The following PLAGL1 variants were observed in gnomAD, a reference collection of about 807,000 sequenced individuals.
The protein encoded by PLAGL1 is PLAG1 like zinc finger 1.
PLAGL1 carries 1 observed loss-of-function variant against 4.6 expected under a neutral mutation model. The observed-to-expected ratio is 0.22, with a 90% CI of 0.08 to 1.03. The LOEUF is 1.03. Ranked by LOEUF, PLAGL1 falls within the 50% of genes least tolerant of loss-of-function variation. The pLI is 0.58. For missense variants in PLAGL1, 464 were observed against 570.4 expected, an observed-to-expected ratio of 0.81 and a Z score of 1.90; for synonymous variants, 240 against 237.8, an observed-to-expected ratio of 1.01 and a Z score of -0.08.
chr6:143,977,224 A>G (rs1158510416), intron 2 of PLAGL1, among the ~76,000 whole-genome samples: 2 of 152,028 alleles, frequency 1.3e-5, no homozygotes, highest in Non-Finnish European at 2.9e-5. Flanking sequence ...GGTGTTGTAC[A>G]TTCTATGGGT....
At position 143,942,454 on chromosome 6, in the gene PLAGL1, G is replaced by A. The variant is rs201937527; in HGVS notation, c.362C>T (p.Thr121Ile). The change falls in exon 8 of 8, where the codon ACC (threonine) becomes ATC (isoleucine). Residue 121 changes from threonine (T) to isoleucine (I), a missense_variant. Transcript: ENST00000674357. This position sits in a 1 kb window ranked among gnomAD's most constrained non-coding sequence, Gnocchi z 7.6. ...TAGCTCCAGGGCACAGACCCCACAG[G>A]TGAGGTCCCCACTGCTGGCCGCATG... Reference protein sequence around the residue: ...ALHAASSGDLTCGVCALELGS... With the variant: ...ALHAASSGDLICGVCALELGS... The A allele has an allele frequency of 2.1e-4, 334 of 1,614,048 alleles. No homozygotes were observed. The highest frequency in any genetic ancestry group is 2.7e-4 in the Non-Finnish European group (317 of 1,180,024).
intron 1 of PLAGL1, among the ~76,000 whole-genome samples, chr6:144,047,279 C>G (rs552629981): frequency 6.6e-6 from 1 of 152,182 alleles, no homozygotes; most frequent in Admixed American, 6.5e-5. Context: ...TCTTCTGCAT[C>G]GATCACACTG....
At chr6:144,054,783 G>C (rs77877749) in intron 1 of PLAGL1, among the ~76,000 whole-genome samples, 1 of 64,678 alleles carries the variant, frequency 1.5e-5, no homozygotes, top group South Asian at 3.9e-4. Flanking sequence ...AAGAGTGTGT[G>C]TGTGTGTGTG....
rs1796390485 is a variant in PLAGL1 at position 144,027,043 on chromosome 6, C to G, written c.-151+37425G>C. 6.6e-6 allele frequency among the ~76,000 whole-genome samples: 1 copy of G among 151,690 alleles called. No individual in the cohort carries two copies. Among genetic ancestry groups the G allele is most frequent in the South Asian group, 2.1e-4 (1 of 4,796 alleles). ...TGTGGGTAAAAAAGTAAGACCCCAC[C>G]CCCCGACTCTACAAAAACAAAATTA... On this transcript the variant is annotated intron_variant, in intron 1 of 3. Coordinates refer to the PLAGL1 transcript ENST00000437412. This position sits in a 1 kb window ranked among gnomAD's most constrained non-coding sequence, Gnocchi z 5.8.
In PLAGL1 at chr6:143,955,727, G is replaced by A. The variant is rs146649985; in HGVS notation, c.-325+4742C>T. ...TTGCCACCAGATTTCACTTTTTGAT[G>A]GTAACTCTGGCAGGGACGTATAAGA... is the stretch of plus-strand genomic sequence containing the variant. On this transcript the variant is annotated intron_variant, in intron 6 of 7. Coordinates refer to ENST00000674357, the MANE Select transcript of PLAGL1 (RefSeq NM_001317162.2). The surrounding 1 kb of genome is among the most constrained non-coding windows in gnomAD (Gnocchi z 4.9). Among the ~76,000 whole-genome samples the A allele has an allele frequency of 3.3e-5, 5 of 152,250 alleles. No individual in the cohort carries two copies. Among genetic ancestry groups the A allele is most frequent in the East Asian group, 1.9e-4 (1 of 5,174 alleles).
intron 1 of PLAGL1, among the ~76,000 whole-genome samples, chr6:144,043,735 T>C (rs1797916033): frequency 6.6e-6 from 1 of 152,188 alleles, no homozygotes; most frequent in Admixed American, 6.5e-5. Flanking sequence ...TTGATTGGAA[T>C]TGTTTCAGAA....
chr6:144,041,327 C>T (rs976227787), intron 1 of PLAGL1, among the ~76,000 whole-genome samples: 11 of 151,528 alleles, frequency 7.3e-5, no homozygotes, highest in African/African-American at 2.4e-4. Flanking sequence ...TGCTATCCCT[C>T]CCCCATGCCC....
rs1160512817 is a variant in PLAGL1, at chr6:144,006,551, A to G, written c.-584+1539T>C. On this transcript the variant is annotated intron_variant, in intron 1 of 7. Coordinates refer to ENST00000674357, the MANE Select transcript of PLAGL1 (RefSeq NM_001317162.2). This position sits in a 1 kb window ranked among gnomAD's most constrained non-coding sequence, Gnocchi z 4.3. ...CCAGGTTCTGAATTTTACATAGAAG[A>G]TATCACACAGCATTCTCCGGCAACT... 1 of 152,056 alleles carries G rather than the reference A, an allele frequency of 6.6e-6. No homozygotes were observed. The highest frequency in any genetic ancestry group is 2.4e-5 in the African/African-American group (1 of 41,386). The allele number at this position is 152,056 out of a possible 1,614,324, so 9.4% of individuals were successfully genotyped here.
rs911218063 is a variant in PLAGL1 at position 143,954,381 on chromosome 6, A to C, written c.-324-5921T>G. Among the ~76,000 whole-genome samples, 1 of 152,230 alleles carries C rather than the reference A, an allele frequency of 6.6e-6. No individual in the cohort carries two copies. The highest frequency in any genetic ancestry group is 2.1e-4 in the South Asian group (1 of 4,830). On this transcript the variant is annotated intron_variant, in intron 6 of 7. Transcript: ENST00000674357. The surrounding 1 kb of genome is among the most constrained non-coding windows in gnomAD (Gnocchi z 5.1). ...CAGAGGTCCTTAAAAGAAGAGCAGGATATTATTTTTTAAAGAGGACAACAC... is the reference window on the plus strand; with the variant it reads ...CAGAGGTCCTTAAAAGAAGAGCAGGCTATTATTTTTTAAAGAGGACAACAC...
chr6:143,980,162 T>C (rs1391122312), intron 2 of PLAGL1, among the ~76,000 whole-genome samples: 1 of 152,128 alleles, frequency 6.6e-6, no homozygotes, highest in Non-Finnish European at 1.5e-5. Flanking sequence ...TTTTAAACTA[T>C]TTGATTACGG....
intron 1 of PLAGL1, among the ~76,000 whole-genome samples, chr6:144,024,309 A>G (rs554640558): frequency 6.6e-6 from 1 of 152,154 alleles, no homozygotes; most frequent in Non-Finnish European, 1.5e-5. Flanking sequence ...CAGGGAATAT[A>G]CAAGATGTAC....
rs1465998745 is a variant in PLAGL1, at chr6:143,945,780, C to T, written c.152+2205G>A. Among the ~76,000 whole-genome samples the T allele has an allele frequency of 6.6e-6, 1 of 152,032 alleles. No individual in the cohort carries two copies. Among genetic ancestry groups the T allele is most frequent in the Non-Finnish European group, 1.5e-5 (1 of 68,012 alleles). ...ATCATCTTTTTTTTAAAAGCAAAAC[C>T]GAAAGCATCCTGCCATCTCACACTC... On this transcript the variant is annotated intron_variant, in intron 7 of 7. Transcript: ENST00000674357. The surrounding 1 kb of genome is among the most constrained non-coding windows in gnomAD (Gnocchi z 4.2).
intron 1 of PLAGL1, among the ~76,000 whole-genome samples, chr6:144,002,501 A>G (rs959514650): frequency 5.9e-5 from 9 of 152,312 alleles, no homozygotes; most frequent in African/African-American, 1.7e-4. Context: ...TCCAGATGGC[A>G]TGACAGCACA....
chr6:144,021,088 G>A (rs1795945369), intron 1 of PLAGL1, among the ~76,000 whole-genome samples: 1 of 151,896 alleles, frequency 6.6e-6, no homozygotes, highest in Non-Finnish European at 1.5e-5. Context: ...TCCATAGCCT[G>A]TACTATGCTC....
At chr6:143,991,788 T>C (rs1341130891) in intron 1 of PLAGL1, among the ~76,000 whole-genome samples, 1 of 152,240 alleles carries the variant, frequency 6.6e-6, no homozygotes, top group African/African-American at 2.4e-5. Flanking sequence ...ACAGGCTCTT[T>C]CCTAGATCTG....
rs934904750 is a variant in PLAGL1, at chr6:143,959,845, G to A, written c.-325+624C>T. Among the ~76,000 whole-genome samples, 2 of 152,106 alleles carry A rather than the reference G, an allele frequency of 1.3e-5. No homozygotes were observed. The highest frequency in any genetic ancestry group is 2.9e-5 in the Non-Finnish European group (2 of 68,032). On this transcript the variant is annotated intron_variant, in intron 6 of 7. Coordinates refer to ENST00000674357, the MANE Select transcript of PLAGL1 (RefSeq NM_001317162.2). This position sits in a 1 kb window ranked among gnomAD's most constrained non-coding sequence, Gnocchi z 5.3. ...TATCATTACTGGTGATGATGATAAT[G>A]ATGATGAACAGAGGTTGCTCCCAGG...
chr6:144,030,061 G>T (rs924103389), intron 1 of PLAGL1, among the ~76,000 whole-genome samples: 1 of 151,926 alleles, frequency 6.6e-6, no homozygotes, highest in African/African-American at 2.4e-5. Flanking sequence ...AGACCATCCT[G>T]GTTAACACGG....
Position 143,984,164 on chromosome 6 carries a change from A to G in PLAGL1, c.-544+971T>C, listed in dbSNP as rs539138365. ...AATCCAACTGTCCTTTTATGGTCCA[A>G]CTTGCGTTCTGCTCAAATGTCCTTC... is the stretch of plus-strand genomic sequence containing the variant. On this transcript the variant is annotated intron_variant, in intron 2 of 7. Transcript: ENST00000674357. The surrounding 1 kb of genome is among the most constrained non-coding windows in gnomAD (Gnocchi z 5.5). 2.0e-5 allele frequency among the ~76,000 whole-genome samples: 3 copies of G among 152,288 alleles called. No individual in the cohort carries two copies. Among genetic ancestry groups the G allele is most frequent in the African/African-American group, 4.8e-5 (2 of 41,566 alleles).
intron 1 of PLAGL1, among the ~76,000 whole-genome samples, chr6:144,038,629 A>G (rs1190536148): frequency 6.6e-6 from 1 of 152,230 alleles, no homozygotes; most frequent in Non-Finnish European, 1.5e-5. Context: ...ATGTCCAAAC[A>G]AAGAAATATA....
Sources: gnomAD v4.1 joint callset for allele counts (sites outside exome capture counted in the v4.1 genomes callset) on GRCh38, gnomAD v4.1.1 for gene constraint, Gnocchi (gnomAD v3.1) non-coding constraint, MANE v1.5 for transcripts, NCBI Gene and HGNC (gene_info 2026-07-23, HGNC 2026-07-21) for gene names.